Variants in SLC24A3 observed in about 807,000 individuals in gnomAD.
SLC24A3 encodes solute carrier family 24 member 3.
SLC24A3 carries 28 observed loss-of-function variants against 75.8 expected under a neutral mutation model. The ratio of observed to expected loss-of-function variants is 0.37; its 90% CI spans 0.27 to 0.51. The LOEUF is 0.51. Among genes scored for constraint, SLC24A3 ranks in the 20% least tolerant of loss-of-function variants. SLC24A3 has a pLI of 0.94. For synonymous variants in SLC24A3, 372 were observed against 334.1 expected, an observed-to-expected ratio of 1.11 and a Z score of -1.24; for missense variants, 663 against 847.8, an observed-to-expected ratio of 0.78 and a Z score of 2.71.
intron 6 of SLC24A3, among the ~76,000 whole-genome samples, chr20:19,623,269 A>G (rs2031827435): frequency 6.6e-6 from 1 of 152,160 alleles, no homozygotes; most frequent in South Asian, 2.1e-4. Context: ...TCTATTGCCT[A>G]TTTATCAAGA....
At chr20:19,304,104 G>T (rs1378857367) in intron 2 of SLC24A3, among the ~76,000 whole-genome samples, 1 of 152,146 alleles carries the variant, frequency 6.6e-6, no homozygotes, top group Non-Finnish European at 1.5e-5. Context: ...TCCCCGTAGA[G>T]CAAGTTTAAA....
chr20:19,237,060 G>A (rs1274718686), intron 1 of SLC24A3, among the ~76,000 whole-genome samples: 2 of 152,216 alleles, frequency 1.3e-5, no homozygotes, highest in African/African-American at 4.8e-5. Context: ...CACTTGGCCT[G>A]AAATGATGAC....
chr20:19,650,037 C>T lies in SLC24A3; in HGVS notation c.613-4025C>T, dbSNP rs114784558. Among the ~76,000 whole-genome samples, 595 of 152,266 alleles carry T rather than the reference C, an allele frequency of 3.9e-3. 1 individual carries two copies. The highest frequency in any genetic ancestry group is 0.014 in the African/African-American group (575 of 41,546). ...TAAATCAGAGGTGGGCATGAGTTCACGATCACAGATCTCACTGTAAGTACC... is the reference window on the plus strand; with the variant it reads ...TAAATCAGAGGTGGGCATGAGTTCATGATCACAGATCTCACTGTAAGTACC... On this transcript the variant is annotated intron_variant, in intron 6 of 16. Coordinates refer to ENST00000328041, the MANE Select transcript of SLC24A3 (RefSeq NM_020689.4).
intron 15 of SLC24A3, among the ~76,000 whole-genome samples, chr20:19,716,569 C>T (rs1160890650): frequency 6.6e-6 from 1 of 151,942 alleles, no homozygotes; most frequent in Non-Finnish European, 1.5e-5. Flanking sequence ...AACTCCAAGG[C>T]TGGGTGCAGT....
intron 2 of SLC24A3, among the ~76,000 whole-genome samples, chr20:19,350,374 C>T (rs1346135611): frequency 6.6e-6 from 1 of 152,156 alleles, no homozygotes; most frequent in Admixed American, 6.5e-5. Flanking sequence ...TTTCATTCTT[C>T]TCCTTCCTTT....
At chr20:19,705,714 T>G (rs1431302546) in intron 15 of SLC24A3, among the ~76,000 whole-genome samples, 1 of 152,134 alleles carries the variant, frequency 6.6e-6, no homozygotes, top group Non-Finnish European at 1.5e-5. Context: ...AATTTTTTCA[T>G]CTCATCTAGA....
intron 6 of SLC24A3, among the ~76,000 whole-genome samples, chr20:19,599,904 A>G (rs2031503464): frequency 6.6e-6 from 1 of 152,182 alleles, no homozygotes; most frequent in African/African-American, 2.4e-5. Flanking sequence ...TGAGAGGGGA[A>G]CAGCCAGGAG....
At chr20:19,528,853 C>T (rs957479898) in intron 3 of SLC24A3, among the ~76,000 whole-genome samples, 2 of 152,120 alleles carry the variant, frequency 1.3e-5, no homozygotes, top group Non-Finnish European at 2.9e-5. Context: ...TTCATGGGAC[C>T]AGCGGTTTGA....
intron 1 of SLC24A3, among the ~76,000 whole-genome samples, chr20:19,249,016 G>A (rs558339312): frequency 3.3e-5 from 5 of 151,594 alleles, no homozygotes; most frequent in African/African-American, 7.3e-5. Flanking sequence ...TTGGTCCAAG[G>A]ATATGAAGCT....
At chr20:19,428,470 A>G (rs1987049805) in intron 2 of SLC24A3, among the ~76,000 whole-genome samples, 1 of 152,246 alleles carries the variant, frequency 6.6e-6, no homozygotes, top group Non-Finnish European at 1.5e-5. Context: ...AAATGGGAAC[A>G]AGGATGTGGA....
At chr20:19,421,847 C>T (rs796928497) in intron 2 of SLC24A3, among the ~76,000 whole-genome samples, 7 of 152,292 alleles carry the variant, frequency 4.6e-5, no homozygotes, top group East Asian at 3.9e-4. Context: ...GCAAAATGCA[C>T]GAACTTCCGG....
rs775615310 is a variant in SLC24A3, at chr20:19,475,294, G to A, written c.272-40194G>A. ...GTGGAGCTTGCAGTGAGCTGAGATC[G>A]CGCCACTACACTCCAGCCTGGGCAA... On this transcript the variant is annotated intron_variant, in intron 2 of 16. Coordinates refer to ENST00000328041, the MANE Select transcript of SLC24A3 (RefSeq NM_020689.4). 7.7e-4 allele frequency among the ~76,000 whole-genome samples: 117 copies of A among 151,472 alleles called. 2 individuals are homozygous for A. Among genetic ancestry groups the A allele is most frequent in the Non-Finnish European group, 6.3e-4 (43 of 67,880 alleles).
At position 19,663,587 on chromosome 20, in the gene SLC24A3, C is replaced by T. The variant is rs112623751; in HGVS notation, c.688-2277C>T. Among the ~76,000 whole-genome samples the T allele has an allele frequency of 6.1e-3, 916 of 150,476 alleles. 3 individuals are homozygous for T. The highest frequency in any genetic ancestry group is 0.027 in the Middle Eastern group (8 of 292). Reference sequence around the variant, plus strand: ...ACTATATCAGTTATTTGCATGTTTCCGGATCTCCTCCATTAGTTAGTACTT... The same window carrying T: ...ACTATATCAGTTATTTGCATGTTTCTGGATCTCCTCCATTAGTTAGTACTT... On this transcript the variant is annotated intron_variant, in intron 7 of 16. Coordinates refer to ENST00000328041, the MANE Select transcript of SLC24A3 (RefSeq NM_020689.4).
chr20:19,690,829 G>A (rs1219085474), intron 12 of SLC24A3, among the ~76,000 whole-genome samples: 1 of 152,132 alleles, frequency 6.6e-6, no homozygotes, highest in Non-Finnish European at 1.5e-5. Context: ...AATCTAACAA[G>A]ACTCATAGCA....
At chr20:19,680,834 G>A (rs1018768153) in intron 9 of SLC24A3, among the ~76,000 whole-genome samples, 2 of 152,208 alleles carry the variant, frequency 1.3e-5, no homozygotes, top group Non-Finnish European at 2.9e-5. Flanking sequence ...CTTCATGTCT[G>A]TAGCAGCAAA....
intron 1 of SLC24A3, among the ~76,000 whole-genome samples, chr20:19,222,810 T>TTCCTTCCTTCCTTCCTTCCTTCCTTCCC (rs1981761594): frequency 7.3e-6 from 1 of 137,532 alleles, no homozygotes; most frequent in Non-Finnish European, 1.6e-5. Flanking sequence ...CCTTCCTTCC[T>TTCCTTCCTTCCTTCCTTCCTTCCTTCCC]TCCTTCGTTC....
At chr20:19,677,512 A>G (rs192850052) in intron 9 of SLC24A3, among the ~76,000 whole-genome samples, 58 of 151,972 alleles carry the variant, frequency 3.8e-4, no homozygotes, top group Non-Finnish European at 2.9e-5. Context: ...TGCATTCGTC[A>G]CCACCCCCAG....
intron 3 of SLC24A3, among the ~76,000 whole-genome samples, chr20:19,529,829 G>A (rs112432020): frequency 4.6e-5 from 7 of 152,094 alleles, no homozygotes; most frequent in South Asian, 4.1e-4. Flanking sequence ...TCTTGCTTGC[G>A]TGTGAACCCT....
chr20:19,345,805 G>A (rs1456992524), intron 2 of SLC24A3, among the ~76,000 whole-genome samples: 1 of 151,832 alleles, frequency 6.6e-6, no homozygotes, highest in East Asian at 1.9e-4. Context: ...TGGCGTGGAT[G>A]TAGTGAAAAG....
Sources: gnomAD v4.1 joint callset for allele counts (sites outside exome capture counted in the v4.1 genomes callset) on GRCh38, gnomAD v4.1.1 for gene constraint, MANE v1.5 for transcripts, NCBI Gene and HGNC (gene_info 2026-07-23, HGNC 2026-07-21) for gene names.